POLR2G: variants seen among roughly 807,000 people sequenced by gnomAD.
POLR2G encodes RNA polymerase II subunit G.
A neutral mutation model predicts 25.7 loss-of-function variants in POLR2G; 19 were observed. The observed-to-expected ratio is 0.74, with a 90% CI of 0.52 to 1.08. The LOEUF (loss-of-function observed/expected upper bound fraction) is 1.08. POLR2G is among the 50% of genes least tolerant of loss of function. The probability of loss-of-function intolerance (pLI) is 0.00; values close to 1 mark genes in which losing one functional copy is unlikely to be tolerated. For synonymous variants in POLR2G, 79 were observed against 76.0 expected (o/e 1.04, Z -0.21); for missense variants, 123 against 218.5 (o/e 0.56, Z 2.76).
intron 3 of POLR2G, 84 bp downstream of exon 3, chr11:62,763,110 C>A: frequency 2.8e-6 from 2 of 703,460 alleles, no homozygotes; most frequent in Non-Finnish European, 4.4e-6. Flanking sequence ...AACTCTGTGC[C>A]TTTGGCTAAG....
rs1308471733 is a variant in POLR2G at position 62,766,572 on chromosome 11, C to T, written c.*65C>T. On this transcript the variant is annotated 3_prime_UTR_variant, in exon 8 of 8. Transcript: ENST00000301788. ...GTGATTGTCACACTTATCATGTTGT[C>T]CAGAGGTCCAGTCTGGCTGCTGTTG... is the stretch of plus-strand genomic sequence containing the variant. 3 of 1,492,200 alleles carry T rather than the reference C, an allele frequency of 2.0e-6. No homozygotes were observed. In the East Asian group the frequency reaches 6.8e-5, roughly 34 times the overall value. The allele number at this position is 1,492,200 out of a possible 1,614,324, so 92.4% of individuals were successfully genotyped here. A position where few individuals can be genotyped will look rare whatever the true frequency, so the allele number is the denominator to read the frequency against.
intron 3 of POLR2G, 68 bp from the exon 4 acceptor site, chr11:62,765,114 C>T (rs2084108723): frequency 7.0e-7 from 1 of 1,423,724 alleles, no homozygotes; most frequent in East Asian, 2.3e-5. Flanking sequence ...GCCTCGGCCT[C>T]CCAAAGTGCT....
At position 62,761,809 on chromosome 11, in the gene POLR2G, C is replaced by T. The variant is rs761153102; in HGVS notation, c.27C>T (p.His9=). The T allele has an allele frequency of 6.2e-7, 1 of 1,614,022 alleles. No homozygotes were observed. Among genetic ancestry groups the T allele is most frequent in the Non-Finnish European group, 8.5e-7 (1 of 1,179,962 alleles). Reference sequence around the variant, plus strand: ...TTTCTCCGCAGATCTCCCTAGAGCACGAAATCCTGCTGCACCCGCGCTACT... The same window carrying T: ...TTTCTCCGCAGATCTCCCTAGAGCATGAAATCCTGCTGCACCCGCGCTACT... MFYHISLE[H]EILLHPRYFG... Residue 9 remains histidine (H), a synonymous_variant, in exon 2 of 8, where the codon CAC becomes CAT. Coordinates refer to ENST00000301788, the MANE Select transcript of POLR2G (RefSeq NM_002696.3).
In POLR2G at chr11:62,765,343, A is replaced by G. The variant is rs750343642; in HGVS notation, c.337A>G (p.Ile113Val). 6.2e-7 allele frequency: 1 copy of G among 1,613,084 alleles called. No homozygotes were observed. Residue 113 changes from isoleucine to valine, a missense_variant, in exon 5 of 8, where the codon ATC becomes GTC. Physicochemically the swap from Ile to Val is conservative, Grantham distance 29. Transcript: ENST00000301788. ...PMSCFISRHS[I>V]PSEMEFDPNS... ...CTAGATCTCACTTTCCTTTCAGTCC[A>G]TCCCTTCAGAGATGGAGTTTGATCC...
At chr11:62,762,783 C>G (rs986052853) in intron 2 of POLR2G, 84 bp from the exon 3 acceptor site, 9 of 1,170,216 alleles carry the variant, frequency 7.7e-6, no homozygotes, top group East Asian at 7.1e-5. Flanking sequence ...GACCCTACCC[C>G]CAAGAGCTCA....
At chr11:62,763,225 A>G (rs1212551577) in intron 3 of POLR2G, among the ~76,000 whole-genome samples, 199 bp downstream of exon 3, 1 of 141,834 alleles carries the variant, frequency 7.1e-6, no homozygotes, top group East Asian at 2.1e-4. Flanking sequence ...TCTGCCTCCT[A>G]GGTTCAAGTG....
In POLR2G at chr11:62,762,965, C is replaced by G; in HGVS notation, c.221C>G (p.Ala74Gly). ...GFVLYPVKYK[A>G]IVFRPFKGEV... is the part of the protein sequence containing the mutation. ...GTCCTTTATCCAGTTAAGTACAAGG[C>G]CATTGTTTTCCGGCCATTTAAAGGG... The change falls in exon 3 of 8, where the codon GCC becomes GGC. Residue 74 changes from alanine (A) to glycine (G), a missense_variant. Transcript: ENST00000301788. 1 of 1,611,370 alleles carries G rather than the reference C, an allele frequency of 6.2e-7. No homozygotes were observed.
intron 2 of POLR2G, chr11:62,762,254 C>T (rs2084092836): frequency 1.0e-5 from 3 of 290,858 alleles, no homozygotes; most frequent in Admixed American, 4.4e-5. Context: ...GTTCCTGTGT[C>T]TGCTCTCCCT....
Position 62,765,410 on chromosome 11 carries a change from G to C in POLR2G, c.399+5G>C, listed in dbSNP as rs2084110555. The C allele has an allele frequency of 1.1e-5, 18 of 1,608,800 alleles. No homozygotes were observed. Among genetic ancestry groups the C allele is most frequent in the Non-Finnish European group, 1.5e-5 (18 of 1,175,524 alleles). On this transcript the variant is annotated splice_donor_5th_base_variant and intron_variant, in intron 5 of 7. Transcript: ENST00000301788. Reference sequence around the variant, plus strand: ...TGTTACAAGACAATGGATGAGGTGAGTGGACAGAAAGAAGTCAGGGAGACA... The same window carrying C: ...TGTTACAAGACAATGGATGAGGTGACTGGACAGAAAGAAGTCAGGGAGACA...
In POLR2G at chr11:62,761,806, G is replaced by A; in HGVS notation, c.24G>A (p.Glu8=). The A allele has an allele frequency of 1.9e-6, 3 of 1,613,998 alleles. No homozygotes were observed. Among genetic ancestry groups the A allele is most frequent in the Non-Finnish European group, 2.5e-6 (3 of 1,179,978 alleles). MFYHISL[E]HEILLHPRYF... is the part of the protein sequence containing the mutation. ...ACTTTTCTCCGCAGATCTCCCTAGA[G>A]CACGAAATCCTGCTGCACCCGCGCT... The change falls in exon 2 of 8, where the codon GAG becomes GAA. Residue 8 remains glutamate, a synonymous_variant. Coordinates refer to ENST00000301788, the MANE Select transcript of POLR2G (RefSeq NM_002696.3).
chr11:62,762,378 G>C, intron 2 of POLR2G: 2 of 252,098 alleles, frequency 7.9e-6, no homozygotes, highest in South Asian at 8.4e-5. Context: ...TTTGGGGGAG[G>C]AAGGAAGTAG....
rs531590225 is a variant in POLR2G, at chr11:62,764,750, C to T, written c.283-432C>T. On this transcript the variant is annotated intron_variant, in intron 3 of 7. Transcript: ENST00000301788. ...GTTCAAATTTACAGTGAGCTGTGAT[C>T]GCACCACTACTTTCCAACCTGGGCA... Among the ~76,000 whole-genome samples, 7 of 152,156 alleles carry T rather than the reference C, an allele frequency of 4.6e-5. No homozygotes were observed. The South Asian group carries it at 6.2e-4, about 14-fold the overall frequency.
chr11:62,765,599 T>A lies in POLR2G; in HGVS notation c.400-54T>A, dbSNP rs1293559924. 10 of 1,295,768 alleles carry A rather than the reference T, an allele frequency of 7.7e-6. No homozygotes were observed. The African/African-American group carries it at 8.7e-5, about 11-fold the overall frequency. The allele number at this position is 1,295,768 out of a possible 1,614,324, so 80.3% of individuals were successfully genotyped here. On this transcript the variant is annotated intron_variant, in intron 5 of 7. Transcript: ENST00000301788. ...CGGGCTTACAGTGAAGTGATTGTGA[T>A]GTAACTTCTCATAAACTGAGGAGCA...
intron 2 of POLR2G, chr11:62,762,307 C>A (rs1321643736): frequency 7.5e-6 from 2 of 266,694 alleles, no homozygotes; most frequent in African/African-American, 4.3e-5. Context: ...TGCCCAGGGA[C>A]CACACACCAT....
chr11:62,766,281 G>C lies in POLR2G; in HGVS notation c.505+5G>C. 1 of 1,613,252 alleles carries C rather than the reference G, an allele frequency of 6.2e-7. No individual in the cohort carries two copies. Among genetic ancestry groups the C allele is most frequent in the Non-Finnish European group, 8.5e-7 (1 of 1,179,236 alleles). On this transcript the variant is annotated splice_donor_5th_base_variant and intron_variant, in intron 7 of 7. Transcript: ENST00000301788. ...CCCTGATGGACGATTACTTGGGTGAGTGCCTGATCATAGGTGCTGGGGTTA... is the reference window on the plus strand; with the variant it reads ...CCCTGATGGACGATTACTTGGGTGACTGCCTGATCATAGGTGCTGGGGTTA...
In POLR2G at chr11:62,761,834, T is replaced by G; in HGVS notation, c.52T>G (p.Phe18Val). The G allele has an allele frequency of 6.2e-7, 1 of 1,614,026 alleles. No individual in the cohort carries two copies. The highest frequency in any genetic ancestry group is 8.5e-7 in the Non-Finnish European group (1 of 1,180,026). The change falls in exon 2 of 8, where the codon TTC becomes GTC. Residue 18 changes from phenylalanine to valine, a missense_variant. By Grantham distance (50) the Phe-to-Val change is conservative (BLOSUM62 -1). Transcript: ENST00000301788. ...EHEILLHPRY[F>V]GPNLLNTVKQ... ...CGAAATCCTGCTGCACCCGCGCTAC[T>G]TCGGCCCCAACTTGCTCAACACGGT...
intron 5 of POLR2G, 96 bp downstream of exon 5, chr11:62,765,501 G>A (rs1012598353): frequency 1.7e-5 from 19 of 1,140,016 alleles, no homozygotes; most frequent in Middle Eastern, 2.2e-4. Flanking sequence ...GATGGTCCCC[G>A]AATTACCATG....
intron 2 of POLR2G, chr11:62,762,612 T>A (rs2084094280): frequency 3.4e-6 from 2 of 585,102 alleles, no homozygotes; most frequent in Non-Finnish European, 3.2e-6. Flanking sequence ...TCCCGAAGAT[T>A]GAGATCTGTT....
intron 2 of POLR2G, 162 bp downstream of exon 2, chr11:62,762,066 C>G: frequency 1.6e-6 from 1 of 607,700 alleles, no homozygotes; most frequent in East Asian, 2.8e-5. Flanking sequence ...CCAGGGCGCC[C>G]TCTGCAATGC....
Sources: gnomAD v4.1 joint callset for allele counts (sites outside exome capture counted in the v4.1 genomes callset) on GRCh38, gnomAD v4.1.1 for gene constraint, MANE v1.5 for transcripts, NCBI Gene and HGNC (gene_info 2026-07-23, HGNC 2026-07-21) for gene names.